Variants in PTPRG observed in about 807,000 individuals in gnomAD.
PTPRG encodes the protein receptor-type tyrosine-protein phosphatase gamma.
PTPRG carries 102 observed loss-of-function variants against 165.3 expected under a neutral mutation model. The ratio of observed to expected loss-of-function variants is 0.62; its 90% CI spans 0.53 to 0.73. The LOEUF is 0.73. Among genes scored for constraint, PTPRG ranks in the 30% least tolerant of loss-of-function variants. PTPRG has a pLI of 0.00. For synonymous variants in PTPRG, 675 were observed against 669.5 expected, an observed-to-expected ratio of 1.01 and a Z score of -0.13; for missense variants, 1,866 against 1,861.4, an observed-to-expected ratio of 1.00 and a Z score of -0.05.
intron 1 of PTPRG, among the ~76,000 whole-genome samples, chr3:61,579,503 G>T (rs1213539541): frequency 1.3e-5 from 2 of 152,198 alleles, no homozygotes; most frequent in Admixed American, 6.5e-5. Flanking sequence ...CATCTTAGGG[G>T]CTGGACACAC....
chr3:61,733,901 G>A (rs111478657), intron 1 of PTPRG, among the ~76,000 whole-genome samples: 6,431 of 152,206 alleles, frequency 0.042, 189 homozygotes, highest in African/African-American at 0.071. Context: ...AGGCTCAAGC[G>A]GTCCTCACAC....
intron 4 of PTPRG, among the ~76,000 whole-genome samples, chr3:62,055,448 T>C (rs1214696817): frequency 1.3e-5 from 2 of 152,234 alleles, no homozygotes; most frequent in African/African-American, 2.4e-5. Context: ...CTGCTTTTCA[T>C]AGCAACCTCA....
chr3:61,709,672 C>T (rs1395402472), intron 1 of PTPRG, among the ~76,000 whole-genome samples: 2 of 152,150 alleles, frequency 1.3e-5, no homozygotes, highest in African/African-American at 4.8e-5. Context: ...GACTTTACTT[C>T]TTGCCTAAGA....
intron 2 of PTPRG, among the ~76,000 whole-genome samples, chr3:61,756,415 A>G (rs1034365585): frequency 2.6e-5 from 4 of 152,218 alleles, no homozygotes; most frequent in African/African-American, 9.6e-5. Context: ...ATATGGTCAC[A>G]CACTAATCAG....
intron 2 of PTPRG, among the ~76,000 whole-genome samples, chr3:61,948,050 C>T (rs760056224): frequency 1.3e-5 from 2 of 152,122 alleles, no homozygotes; most frequent in African/African-American, 4.8e-5. Context: ...TAAGGCCAGG[C>T]GCAGTGGCTC....
chr3:61,920,110 G>A (rs1358631299), intron 2 of PTPRG, among the ~76,000 whole-genome samples: 2 of 152,196 alleles, frequency 1.3e-5, no homozygotes, highest in Non-Finnish European at 2.9e-5. Context: ...TCCATAGGGA[G>A]ATCCCACATG....
chr3:62,174,418 C>T (rs1185176868), intron 8 of PTPRG, among the ~76,000 whole-genome samples: 1 of 152,164 alleles, frequency 6.6e-6, no homozygotes, highest in Non-Finnish European at 1.5e-5. Context: ...AAGCCGATGT[C>T]GTGTTTTTTT....
At chr3:61,887,738 A>C (rs769528185) in intron 2 of PTPRG, among the ~76,000 whole-genome samples, 12 of 151,596 alleles carry the variant, frequency 7.9e-5, no homozygotes, top group Non-Finnish European at 1.6e-4. Flanking sequence ...AAAAAGGCTG[A>C]TGGTTAAATC....
chr3:61,952,451 A>G (rs1027532045), intron 2 of PTPRG, among the ~76,000 whole-genome samples: 7 of 152,182 alleles, frequency 4.6e-5, no homozygotes, highest in Non-Finnish European at 8.8e-5. Flanking sequence ...ATCTATCTGC[A>G]GGCCCCTTCT....
intron 2 of PTPRG, among the ~76,000 whole-genome samples, chr3:61,796,110 C>A (rs575227059): frequency 1.3e-5 from 2 of 152,260 alleles, no homozygotes; most frequent in African/African-American, 2.4e-5. Context: ...CCAGAGGGGA[C>A]GTCCTCATAG....
At chr3:61,597,821 G>T (rs1279171993) in intron 1 of PTPRG, among the ~76,000 whole-genome samples, 4 of 152,194 alleles carry the variant, frequency 2.6e-5, no homozygotes, top group African/African-American at 2.4e-5. Flanking sequence ...ATTTGTGTTA[G>T]TTGTCATTAG....
intron 1 of PTPRG, among the ~76,000 whole-genome samples, chr3:61,691,062 G>A (rs545584391): frequency 1.3e-5 from 2 of 152,266 alleles, no homozygotes; most frequent in South Asian, 2.1e-4. Flanking sequence ...ACCCTCAAGT[G>A]TAAGTCTATG....
chr3:61,589,260 A>G (rs183040149), intron 1 of PTPRG, among the ~76,000 whole-genome samples: 1 of 152,326 alleles, frequency 6.6e-6, no homozygotes, highest in East Asian at 1.9e-4. Flanking sequence ...TGTAGCCTGC[A>G]TGCCTAAAAT....
chr3:61,846,744 G>A (rs149346819), intron 2 of PTPRG, among the ~76,000 whole-genome samples: 36 of 152,262 alleles, frequency 2.4e-4, no homozygotes, highest in African/African-American at 6.3e-4. Flanking sequence ...GCAAAACCCC[G>A]TCTCTACTAA....
chr3:61,857,900 C>G (rs2037157365), intron 2 of PTPRG, among the ~76,000 whole-genome samples: 1 of 152,082 alleles, frequency 6.6e-6, no homozygotes, highest in Non-Finnish European at 1.5e-5. Context: ...TGTGGGGGCT[C>G]TCCTCTGATA....
chr3:61,754,642 G>A (rs1021915244), intron 2 of PTPRG, among the ~76,000 whole-genome samples: 2 of 152,142 alleles, frequency 1.3e-5, no homozygotes, highest in Non-Finnish European at 2.9e-5. Flanking sequence ...ATTTACTAAG[G>A]GGAGTCCTGC....
chr3:61,939,990 G>A lies in PTPRG; in HGVS notation c.191-49635G>A, dbSNP rs137883918. On this transcript the variant is annotated intron_variant, in intron 2 of 29. Coordinates refer to ENST00000474889, the MANE Select transcript of PTPRG (RefSeq NM_002841.4). ...GAGACAGTCTTGCTCTGTTGCCCAGGCTGGAGTACAGTGGCGACCTATCTC... is the reference window on the plus strand; with the variant it reads ...GAGACAGTCTTGCTCTGTTGCCCAGACTGGAGTACAGTGGCGACCTATCTC... Among the ~76,000 whole-genome samples the A allele has an allele frequency of 1.1e-3, 127 of 119,160 alleles. 1 individual carries two copies. The Middle Eastern group carries it at 0.063, about 59-fold the overall frequency. 78.2% of individuals were successfully genotyped at this position (119,160 alleles called of 152,430 possible).
intron 1 of PTPRG, among the ~76,000 whole-genome samples, chr3:61,692,194 C>G (rs564568037): frequency 1.3e-5 from 2 of 152,296 alleles, no homozygotes; most frequent in East Asian, 3.9e-4. Flanking sequence ...TTATGTTGCA[C>G]GTAAGTTGCA....
At chr3:61,954,298 T>C (rs780082631) in intron 2 of PTPRG, among the ~76,000 whole-genome samples, 2 of 152,136 alleles carry the variant, frequency 1.3e-5, no homozygotes, top group African/African-American at 2.4e-5. Context: ...TGCTGGGAAA[T>C]GTGTTAGTGG....
Sources: gnomAD v4.1 joint callset for allele counts (sites outside exome capture counted in the v4.1 genomes callset) on GRCh38, gnomAD v4.1.1 for gene constraint, MANE v1.5 for transcripts, NCBI Gene and HGNC (gene_info 2026-07-23, HGNC 2026-07-21) for gene names.